ARHGEF3: variants seen among roughly 807,000 people sequenced by gnomAD.
ARHGEF3 encodes 59.8 kDA protein.
ARHGEF3 carries 28 observed loss-of-function variants against 63.2 expected under a neutral mutation model. The observed-to-expected ratio is 0.44, with a 90% confidence interval of 0.33 to 0.61. The LOEUF is 0.61. ARHGEF3 is among the 20% of genes least tolerant of loss of function. The probability of loss-of-function intolerance (pLI) is 0.03; values close to 1 mark genes in which losing one functional copy is unlikely to be tolerated. For missense variants in ARHGEF3, 533 were observed against 659.3 expected (o/e 0.81, Z 2.10); for synonymous variants, 266 against 254.2 (o/e 1.05, Z -0.44).
At chr3:56,991,334 G>A (rs1475183487) in intron 2 of ARHGEF3, among the ~76,000 whole-genome samples, 2 of 151,980 alleles carry the variant, frequency 1.3e-5, no homozygotes, top group African/African-American at 4.8e-5. Flanking sequence ...TACTATGCTA[G>A]CCACTCAAGA....
chr3:56,957,879 G>A (rs1005124855), intron 3 of ARHGEF3, among the ~76,000 whole-genome samples: 15 of 152,164 alleles, frequency 9.9e-5, no homozygotes, highest in Admixed American at 6.5e-4. Context: ...ATTAGCGCTA[G>A]AATTCACTTT....
chr3:57,006,842 A>C (rs1339335876), intron 2 of ARHGEF3, among the ~76,000 whole-genome samples: 1 of 152,170 alleles, frequency 6.6e-6, no homozygotes, highest in Non-Finnish European at 1.5e-5. Flanking sequence ...GCGCCACAGG[A>C]GTCTCCCTCC....
chr3:56,900,203 T>G (rs73833751), intron 3 of ARHGEF3, among the ~76,000 whole-genome samples: 4,700 of 152,310 alleles, frequency 0.031, 237 homozygotes, highest in African/African-American at 0.11. Flanking sequence ...TGATGCCCAC[T>G]TTTGGATGTG....
intron 2 of ARHGEF3, among the ~76,000 whole-genome samples, chr3:56,767,001 T>C (rs992501297): frequency 6.6e-6 from 1 of 152,194 alleles, no homozygotes; most frequent in Non-Finnish European, 1.5e-5. Flanking sequence ...TGAAATGCTT[T>C]ATGAGTCCAT....
chr3:56,773,662 G>A lies in ARHGEF3; in HGVS notation c.204+47C>T, dbSNP rs115500656. 1,376 of 1,473,444 alleles carry A rather than the reference G, an allele frequency of 9.3e-4. 8 individuals carry two copies. The African/African-American group carries it at 0.017, about 18-fold the overall frequency. The allele number at this position is 1,473,444 out of a possible 1,614,324, so 91.3% of individuals were successfully genotyped here. ...AGGTAGGATGGGGATGTTCCTTCCC[G>A]TACACCATGATTTTCTGCAACCACA... On this transcript the variant is annotated intron_variant, in intron 2 of 9. Coordinates refer to ENST00000296315, the MANE Select transcript of ARHGEF3 (RefSeq NM_019555.3).
chr3:57,025,985 G>A (rs1002698534), intron 2 of ARHGEF3, among the ~76,000 whole-genome samples: 4 of 152,034 alleles, frequency 2.6e-5, no homozygotes, highest in Non-Finnish European at 5.9e-5. Context: ...TCTCACCTAG[G>A]GAACAAAATT....
chr3:56,911,300 A>G (rs1438415107), intron 3 of ARHGEF3, among the ~76,000 whole-genome samples: 1 of 152,130 alleles, frequency 6.6e-6, no homozygotes, highest in East Asian at 1.9e-4. Context: ...GGGTTATTTC[A>G]AAGCTGCCAA....
chr3:57,044,235 GA>G (rs1347949898), intron 1 of ARHGEF3, among the ~76,000 whole-genome samples: 1 of 152,172 alleles, frequency 6.6e-6, no homozygotes, highest in Non-Finnish European at 1.5e-5. Flanking sequence ...CCACTCTAAT[GA>G]AAGATGATAC....
chr3:56,774,941 C>A, intron 1 of ARHGEF3: 1 of 1,285,966 alleles, frequency 7.8e-7, no homozygotes, highest in Non-Finnish European at 1.0e-6. Flanking sequence ...AAAAAACAGG[C>A]TATGGGGAAG....
intron 1 of ARHGEF3, among the ~76,000 whole-genome samples, chr3:56,789,604 T>C (rs2036983285): frequency 1.3e-5 from 2 of 152,230 alleles, no homozygotes; most frequent in Non-Finnish European, 2.9e-5. Flanking sequence ...TATTGTAGAA[T>C]TCTAATCCTA....
At chr3:56,791,077 T>C (rs1276751961) in intron 1 of ARHGEF3, among the ~76,000 whole-genome samples, 1 of 152,104 alleles carries the variant, frequency 6.6e-6, no homozygotes, top group African/African-American at 2.4e-5. Context: ...CTGCAAACAT[T>C]AGGTCTGCAG....
intron 1 of ARHGEF3, among the ~76,000 whole-genome samples, chr3:57,051,783 G>A (rs926811280): frequency 6.6e-6 from 1 of 152,002 alleles, no homozygotes; most frequent in African/African-American, 2.4e-5. Flanking sequence ...GGCCAACATG[G>A]TGAAACCCTG....
intron 1 of ARHGEF3, among the ~76,000 whole-genome samples, chr3:57,042,651 AATATATATATAT>A (rs71076013): frequency 2.8e-4 from 14 of 49,284 alleles, no homozygotes; most frequent in Non-Finnish European, 3.4e-4. Context: ...TATGTACATA[AATATATATATAT>A]ATATATATAT....
chr3:56,856,168 T>C (rs1377498746), intron 4 of ARHGEF3, among the ~76,000 whole-genome samples: 1 of 151,950 alleles, frequency 6.6e-6, no homozygotes, highest in Non-Finnish European at 1.5e-5. Context: ...CTGGGGGGTG[T>C]CGCCATCAGA....
chr3:56,886,805 A>C (rs561450400), intron 3 of ARHGEF3, among the ~76,000 whole-genome samples: 1 of 152,256 alleles, frequency 6.6e-6, no homozygotes, highest in East Asian at 1.9e-4. Context: ...AGAGTAGGAG[A>C]TGAAGGCTCA....
At chr3:56,805,560 T>C (rs2037834788), upstream of ARHGEF3, among the ~76,000 whole-genome samples, 2 of 152,312 alleles carry the variant, frequency 1.3e-5, no homozygotes, top group Non-Finnish European at 1.5e-5. Context: ...AAGTGCAACT[T>C]AGGTTGAAGC....
intron 4 of ARHGEF3, among the ~76,000 whole-genome samples, chr3:56,810,152 A>ATTAG (rs2038013537): frequency 6.6e-6 from 1 of 152,204 alleles, no homozygotes. Context: ...AGCTTTGGAT[A>ATTAG]TTAGAGGTGT....
intron 3 of ARHGEF3, among the ~76,000 whole-genome samples, chr3:56,932,947 C>A (rs1376745263): frequency 6.6e-6 from 1 of 152,158 alleles, no homozygotes; most frequent in Non-Finnish European, 1.5e-5. Flanking sequence ...TGTACCACAT[C>A]AAAACTGCAA....
chr3:57,040,658 G>A (rs1180168152), intron 1 of ARHGEF3, among the ~76,000 whole-genome samples: 3 of 151,992 alleles, frequency 2.0e-5, no homozygotes, highest in Admixed American at 6.6e-5. Context: ...AAACCATCAA[G>A]TGATACAGTT....
Sources: allele counts gnomAD v4.1 joint callset (sites outside exome capture counted in the v4.1 genomes callset), GRCh38; gene constraint gnomAD v4.1.1; transcripts MANE v1.5; gene names NCBI Gene and HGNC (gene_info 2026-07-23, HGNC 2026-07-21).